Variants in KCNQ3 observed in about 807,000 individuals in gnomAD.
The protein encoded by KCNQ3 is potassium voltage-gated channel subfamily Q member 3, also known as potassium voltage-gated channel subfamily KQT member 3.
A neutral mutation model predicts 92.5 loss-of-function variants in KCNQ3; 30 were observed. The observed-to-expected ratio is 0.32, with a 90% CI of 0.24 to 0.44. KCNQ3 has a LOEUF of 0.44. KCNQ3 is among the 20% of genes least tolerant of loss of function. The pLI is 1.00. For missense variants in KCNQ3, 913 were observed against 1,140.3 expected (o/e 0.80, Z 2.87); for synonymous variants, 450 against 468.8 (o/e 0.96, Z 0.52).
At chr8:132,140,760 G>A in intron 10 of KCNQ3, 1 of 298,314 alleles carries the variant, frequency 3.4e-6, no homozygotes, top group Non-Finnish European at 6.4e-6. Flanking sequence ...GCGCTTTTCT[G>A]CCACTCTTCC....
chr8:132,380,336 CA>C (rs1193898250), intron 1 of KCNQ3, among the ~76,000 whole-genome samples: 1 of 152,166 alleles, frequency 6.6e-6, no homozygotes, highest in Non-Finnish European at 1.5e-5. Context: ...TCACTAATTA[CA>C]CGTGAGAAAG....
chr8:132,324,834 C>A (rs910573141), intron 1 of KCNQ3, among the ~76,000 whole-genome samples: 1 of 152,172 alleles, frequency 6.6e-6, no homozygotes, highest in Admixed American at 6.5e-5. Flanking sequence ...CAGAGCCCGG[C>A]GGTTGCCATC....
intron 1 of KCNQ3, among the ~76,000 whole-genome samples, chr8:132,472,076 G>T (rs1434757324): frequency 6.6e-6 from 1 of 152,072 alleles, no homozygotes; most frequent in Admixed American, 6.5e-5. Flanking sequence ...TCTTACCCTA[G>T]TTAGAATGGT....
At chr8:132,136,670 A>G (rs530598654) in intron 12 of KCNQ3, among the ~76,000 whole-genome samples, 17 of 152,318 alleles carry the variant, frequency 1.1e-4, no homozygotes, top group East Asian at 3.9e-4. Flanking sequence ...TAGGCAGAGT[A>G]TATTTATTCT....
At chr8:132,472,628 G>A (rs1464053545) in intron 1 of KCNQ3, among the ~76,000 whole-genome samples, 1 of 152,164 alleles carries the variant, frequency 6.6e-6, no homozygotes, top group East Asian at 1.9e-4. Context: ...AGGAGTAGGG[G>A]TATAAAGAGA....
rs556500227 is a variant in KCNQ3 at position 132,224,237 on chromosome 8, A to G, written c.387-38056T>C. Among the ~76,000 whole-genome samples the G allele has an allele frequency of 8.6e-5, 13 of 151,874 alleles. No homozygotes were observed. In the South Asian group the frequency reaches 2.7e-3, roughly 32 times the overall value. On this transcript the variant is annotated intron_variant, in intron 1 of 14. Transcript: ENST00000388996. ...AGATGTGAGCCTCTGCACCTGGTCA[A>G]TATTTTGTTTTCAAATAAATTTAAT...
intron 1 of KCNQ3, among the ~76,000 whole-genome samples, chr8:132,332,871 C>T (rs779438679): frequency 3.3e-5 from 5 of 152,232 alleles, no homozygotes; most frequent in Non-Finnish European, 7.3e-5. Context: ...CTGCTGCACT[C>T]ACCTCTCTTC....
At chr8:132,216,066 TCTC>T (rs1381029200) in intron 1 of KCNQ3, among the ~76,000 whole-genome samples, 13 of 152,040 alleles carry the variant, frequency 8.6e-5, no homozygotes, top group Admixed American at 8.5e-4. Context: ...TGCATAATAA[TCTC>T]CTCTCATAAT....
intron 1 of KCNQ3, among the ~76,000 whole-genome samples, chr8:132,447,686 G>A (rs1821719922): frequency 6.6e-6 from 1 of 152,226 alleles, no homozygotes; most frequent in African/African-American, 2.4e-5. Context: ...ATGATTTAGA[G>A]ATGCAGGAGA....
At chr8:132,226,285 A>G (rs1187767163) in intron 1 of KCNQ3, among the ~76,000 whole-genome samples, 1 of 151,534 alleles carries the variant, frequency 6.6e-6, no homozygotes, top group Non-Finnish European at 1.5e-5. Context: ...AAAAAAAAAA[A>G]TCATGGAGGA....
intron 9 of KCNQ3, among the ~76,000 whole-genome samples, chr8:132,160,927 G>T (rs570805940): frequency 2.0e-5 from 3 of 152,266 alleles, no homozygotes; most frequent in South Asian, 4.1e-4. Context: ...GGCATCATGA[G>T]TTGGGCATCT....
At chr8:132,185,479 T>C (rs1038482003) in intron 2 of KCNQ3, among the ~76,000 whole-genome samples, 4 of 152,260 alleles carry the variant, frequency 2.6e-5, no homozygotes, top group African/African-American at 9.6e-5. Context: ...GCCCAGCCCA[T>C]GTCTGCATTT....
intron 1 of KCNQ3, among the ~76,000 whole-genome samples, chr8:132,358,036 C>A (rs1819064637): frequency 6.6e-6 from 1 of 152,188 alleles, no homozygotes; most frequent in South Asian, 2.1e-4. Flanking sequence ...AGTATACTTA[C>A]TGAGTTGCAT....
chr8:132,452,157 A>G (rs973328295), intron 1 of KCNQ3, among the ~76,000 whole-genome samples: 1 of 152,194 alleles, frequency 6.6e-6, no homozygotes, highest in Non-Finnish European at 1.5e-5. Flanking sequence ...CCACATTCGC[A>G]TCGTTGTGCA....
At chr8:132,148,673 C>T (rs565707090) in intron 9 of KCNQ3, among the ~76,000 whole-genome samples, 8 of 152,242 alleles carry the variant, frequency 5.3e-5, no homozygotes, top group African/African-American at 1.7e-4. Flanking sequence ...TGTGGATGGA[C>T]GTCATCTAAT....
intron 1 of KCNQ3, among the ~76,000 whole-genome samples, chr8:132,290,995 G>C (rs557397707): frequency 1.3e-5 from 2 of 152,272 alleles, no homozygotes; most frequent in Non-Finnish European, 2.9e-5. Context: ...AAGAAGACGA[G>C]ATTTCAAGAA....
chr8:132,365,225 T>C (rs988966101), intron 1 of KCNQ3, among the ~76,000 whole-genome samples: 1 of 152,246 alleles, frequency 6.6e-6, no homozygotes, highest in Non-Finnish European at 1.5e-5. Context: ...AGGTTAAACC[T>C]ACTTTATGCT....
intron 12 of KCNQ3, among the ~76,000 whole-genome samples, chr8:132,135,182 T>G (rs1399692517): frequency 6.6e-6 from 1 of 152,266 alleles, no homozygotes; most frequent in Non-Finnish European, 1.5e-5. Flanking sequence ...TATGGTTTTC[T>G]GTTCCTGCAT....
At chr8:132,233,440 T>G (rs1814704486) in intron 1 of KCNQ3, among the ~76,000 whole-genome samples, 1 of 152,232 alleles carries the variant, frequency 6.6e-6, no homozygotes, top group Non-Finnish European at 1.5e-5. Context: ...GTTGCCACCT[T>G]AACCTTGATA....
Sources: allele counts gnomAD v4.1 joint callset (sites outside exome capture counted in the v4.1 genomes callset), GRCh38; gene constraint gnomAD v4.1.1; transcripts MANE v1.5; gene names NCBI Gene and HGNC (gene_info 2026-07-23, HGNC 2026-07-21).